LMAN2L: variants seen among roughly 807,000 people sequenced by gnomAD.
LMAN2L encodes lectin, mannose binding 2 like.
A neutral mutation model predicts 44.3 loss-of-function variants in LMAN2L; 30 were observed. The observed-to-expected ratio is 0.68, with a 90% CI of 0.51 to 0.92. The LOEUF (loss-of-function observed/expected upper bound fraction) is 0.92. Among genes scored for constraint, LMAN2L ranks in the 40% least tolerant of loss-of-function variants. The pLI is 0.00. For synonymous variants in LMAN2L, 183 were observed against 171.1 expected, an observed-to-expected ratio of 1.07 and a Z score of -0.54; for missense variants, 429 against 446.1, an observed-to-expected ratio of 0.96 and a Z score of 0.35.
intron 4 of LMAN2L, chr2:96,713,146 G>A (rs1453437886): frequency 1.2e-5 from 18 of 1,550,906 alleles, no homozygotes; most frequent in Non-Finnish European, 1.6e-5. Context: ...GGGCCTGAGA[G>A]GGTCCAGCAG....
chr2:96,739,013 T>C (rs962643281), intron 1 of LMAN2L, among the ~76,000 whole-genome samples: 2 of 152,176 alleles, frequency 1.3e-5, no homozygotes, highest in Non-Finnish European at 2.9e-5. Flanking sequence ...AGTGCGGAGA[T>C]TACAGGCGTG....
chr2:96,712,281 G>C (rs902574789), intron 4 of LMAN2L, among the ~76,000 whole-genome samples: 1 of 152,218 alleles, frequency 6.6e-6, no homozygotes, highest in African/African-American at 2.4e-5. Flanking sequence ...GCCTGAAGTG[G>C]TCCTCCTAAG....
rs1170382839 is a variant in LMAN2L, at chr2:96,738,175, T to C, written c.188-108A>G. ...AGCCATCATCTTTTTCCCCCTTTAA[T>C]GTCACTCAATCTCCTATCTTCTCTC... On this transcript the variant is annotated intron_variant, in intron 1 of 7. Coordinates refer to ENST00000264963, the MANE Select transcript of LMAN2L (RefSeq NM_030805.4). 5 of 702,866 alleles carry C rather than the reference T, an allele frequency of 7.1e-6. No individual in the cohort carries two copies. The East Asian group carries it at 1.1e-4, about 15-fold the overall frequency. The allele number at this position is 702,866 out of a possible 1,614,324, so 43.5% of individuals were successfully genotyped here.
Position 96,707,740 on chromosome 2 carries a change from G to A in LMAN2L, c.878C>T (p.Ser293Leu). 6 of 1,614,154 alleles carry A rather than the reference G, an allele frequency of 3.7e-6. No individual in the cohort carries two copies. The highest frequency in any genetic ancestry group is 5.1e-6 in the Non-Finnish European group (6 of 1,180,032). Residue 293 changes from serine to leucine, a missense_variant, in exon 7 of 8, where the codon TCA (serine) becomes TTA (leucine). Physicochemically the swap from Ser to Leu is moderately radical, Grantham distance 145. Coordinates refer to ENST00000264963, the MANE Select transcript of LMAN2L (RefSeq NM_030805.4). ...CTCAGGCAGCTTCATATTGTCCACT[G>A]AGGGCAAGAACACATCTCGATGGAG... ...EKLHRDVFLPSVDNMKLPEMT... is the reference protein window; with the variant it reads ...EKLHRDVFLPLVDNMKLPEMT...
intron 4 of LMAN2L, among the ~76,000 whole-genome samples, chr2:96,726,263 T>G (rs924421296): frequency 6.8e-6 from 1 of 146,792 alleles, no homozygotes; most frequent in Admixed American, 8.3e-5. Context: ...TTCTAATAGG[T>G]TTTTTTTTGT....
At chr2:96,734,293 T>C (rs1465074033) in intron 3 of LMAN2L, 116 bp downstream of exon 3, 2 of 732,560 alleles carry the variant, frequency 2.7e-6, no homozygotes, top group Non-Finnish European at 5.0e-6. Flanking sequence ...TTCATCCACA[T>C]ACATTAAGGG....
intron 4 of LMAN2L, 122 bp from the exon 5 acceptor site, chr2:96,712,147 G>A (rs145874130): frequency 1.9e-5 from 18 of 929,436 alleles, no homozygotes; most frequent in African/African-American, 4.9e-5. Context: ...GCAGCCACTC[G>A]ACCTCATTGT....
intron 6 of LMAN2L, 94 bp downstream of exon 6, chr2:96,711,562 C>T: frequency 1.2e-6 from 1 of 800,654 alleles, no homozygotes; most frequent in Non-Finnish European, 2.1e-6. Flanking sequence ...CAGAGCACCG[C>T]TCCTCTGGCT....
At chr2:96,715,383 A>G (rs1414354676) in intron 4 of LMAN2L, among the ~76,000 whole-genome samples, 3 of 152,192 alleles carry the variant, frequency 2.0e-5, no homozygotes, top group African/African-American at 7.2e-5. Context: ...TCAACTTTTA[A>G]CCTCACATTA....
chr2:96,714,493 A>T (rs1345191037), intron 4 of LMAN2L, among the ~76,000 whole-genome samples: 1 of 152,240 alleles, frequency 6.6e-6, no homozygotes, highest in African/African-American at 2.4e-5. Context: ...GCATGAAGTT[A>T]ATCTTCAACA....
At chr2:96,731,221 C>T (rs2078389209) in intron 4 of LMAN2L, among the ~76,000 whole-genome samples, 1 of 152,152 alleles carries the variant, frequency 6.6e-6, no homozygotes. Flanking sequence ...TCACTAATTC[C>T]CAGGGCCTGG....
chr2:96,717,563 G>A (rs1175895693), intron 4 of LMAN2L, among the ~76,000 whole-genome samples: 6 of 150,464 alleles, frequency 4.0e-5, no homozygotes, highest in African/African-American at 1.2e-4. Context: ...AGGACGGCCA[G>A]GCGCAGTAGC....
chr2:96,736,423 C>T (rs1252876567), intron 2 of LMAN2L, among the ~76,000 whole-genome samples: 1 of 152,014 alleles, frequency 6.6e-6, no homozygotes, highest in Non-Finnish European at 1.5e-5. Flanking sequence ...CAGATAACAG[C>T]GAATACAGGT....
Position 96,707,260 on chromosome 2 carries a change from TA to T in LMAN2L, c.1042del (p.Tyr348ThrfsTer15). Reference protein sequence around the residue: ...KWQEQSRKRFY With the variant: ...KWQEQSRKRFX ...AAGTGGTGGCAGCAGGAGGGCTCAG[TA>T]GAAGCGCTTTCGGCTCTGTTCCTGC... On this transcript the variant is annotated frameshift_variant, in exon 8 of 8. Transcript: ENST00000264963. LOFTEE classifies it high-confidence loss of function. The T allele has an allele frequency of 6.2e-7, 1 of 1,614,052 alleles. No individual in the cohort carries two copies.
intron 2 of LMAN2L, among the ~76,000 whole-genome samples, chr2:96,736,441 G>A (rs992645215): frequency 2.0e-5 from 3 of 152,110 alleles, no homozygotes; most frequent in African/African-American, 7.2e-5. Context: ...GGTATCAGAA[G>A]TCGAAAAAGG....
intron 4 of LMAN2L, among the ~76,000 whole-genome samples, chr2:96,731,553 G>A (rs561880910): frequency 1.3e-5 from 2 of 152,164 alleles, no homozygotes; most frequent in East Asian, 1.9e-4. Context: ...GGCTGAGGCA[G>A]GAGAATGGCT....
At chr2:96,716,062 C>CAT (rs1028016253) in intron 4 of LMAN2L, among the ~76,000 whole-genome samples, 13 of 152,112 alleles carry the variant, frequency 8.5e-5, no homozygotes, top group Non-Finnish European at 1.3e-4. Flanking sequence ...CACAGGTACT[C>CAT]ATATATATAT....
At chr2:96,713,036 TGAAACAGCAACAAATGTTGGATGGACAC>T (rs1411279962) in intron 4 of LMAN2L, 6 of 1,381,634 alleles carry the variant, frequency 4.3e-6, no homozygotes, top group Non-Finnish European at 6.0e-6. Context: ...CACATGGACT[TGAAACAGCAACAAATGTTGGATGGACAC>T]ATGGGAATGA....
intron 2 of LMAN2L, among the ~76,000 whole-genome samples, chr2:96,736,960 C>G (rs1172521686): frequency 6.6e-6 from 1 of 152,198 alleles, no homozygotes; most frequent in Admixed American, 6.5e-5. Flanking sequence ...AGAAATCGTT[C>G]TCTTTTCTGA....
Sources: gnomAD v4.1 joint callset for allele counts (sites outside exome capture counted in the v4.1 genomes callset) on GRCh38, gnomAD v4.1.1 for gene constraint, MANE v1.5 for transcripts, NCBI Gene and HGNC (gene_info 2026-07-23, HGNC 2026-07-21) for gene names.